Variants in WDR59 observed in about 807,000 individuals in gnomAD.
WDR59 encodes WD repeat domain 59, also known as GATOR2 complex protein WDR59.
In WDR59, 100 loss-of-function variants were observed where a neutral mutation model predicts 131.2. The observed-to-expected ratio is 0.76, with a 90% CI of 0.65 to 0.90. The LOEUF is 0.90. Ranked by LOEUF, WDR59 falls within the 40% of genes least tolerant of loss-of-function variation. WDR59 has a pLI of 0.00. For synonymous variants in WDR59, 601 were observed against 466.2 expected (o/e 1.29, Z -3.72); for missense variants, 1,203 against 1,262.2 (o/e 0.95, Z 0.71).
intron 1 of WDR59, among the ~76,000 whole-genome samples, chr16:74,977,249 A>T (rs955825392): frequency 4.6e-5 from 7 of 152,120 alleles, no homozygotes; most frequent in African/African-American, 1.2e-4. Context: ...CAAAAAAAAA[A>T]TTTTAATTTA....
rs922594358 is a variant in WDR59, at chr16:74,918,839, A to G, written c.887-831T>C. The stretch of plus-strand genomic sequence containing the variant: ...AGGTCACAGGGTGAGTGGGCAGGAA[A>G]ACAAGGGCCAGTTCTTATTGGTTCC... On this transcript the variant is annotated intron_variant, in intron 10 of 25. Transcript: ENST00000262144. Among the ~76,000 whole-genome samples the G allele has an allele frequency of 5.3e-4, 80 of 152,192 alleles. 1 individual carries two copies. The highest frequency in any genetic ancestry group is 1.9e-3 in the African/African-American group (77 of 41,448).
chr16:74,941,057 AAAG>A (rs2032180403), intron 7 of WDR59, among the ~76,000 whole-genome samples: 2 of 151,910 alleles, frequency 1.3e-5, no homozygotes, highest in African/African-American at 4.8e-5. Flanking sequence ...GTTAGGAAAT[AAAG>A]AAGGCCAGGA....
intron 8 of WDR59, among the ~76,000 whole-genome samples, chr16:74,926,127 T>C (rs1241831083): frequency 2.7e-5 from 4 of 149,526 alleles, no homozygotes; most frequent in Non-Finnish European, 3.0e-5. Context: ...TGGTGTGATC[T>C]CGGCTCACTG....
chr16:74,912,027 G>T, intron 14 of WDR59, 171 bp downstream of exon 14: 1 of 855,412 alleles, frequency 1.2e-6, no homozygotes, highest in Non-Finnish European at 1.8e-6. Flanking sequence ...CTGCTCTGAT[G>T]TTTTCTGCAC....
In WDR59 at chr16:74,946,987, T is replaced by C. The variant is rs138917841; in HGVS notation, c.445+1532A>G. The stretch of plus-strand genomic sequence containing the variant: ...TCAAAATATTGACAATTTAGCTTTA[T>C]CTCTGTAAATAAGTTATACCAGTTC... On this transcript the variant is annotated intron_variant, in intron 6 of 25. Transcript: ENST00000262144. Among the ~76,000 whole-genome samples the C allele has an allele frequency of 7.0e-4, 106 of 152,346 alleles. No individual in the cohort carries two copies. In the East Asian group the frequency reaches 0.018, roughly 25 times the overall value.
At chr16:74,968,911 G>A (rs775814130) in intron 1 of WDR59, among the ~76,000 whole-genome samples, 102 of 152,268 alleles carry the variant, frequency 6.7e-4, no homozygotes, top group Middle Eastern at 6.8e-3. Flanking sequence ...CTTACACTAA[G>A]CTGTCCCAAA....
intron 2 of WDR59, chr16:74,962,941 A>G (rs1390747947): frequency 6.6e-6 from 1 of 152,108 alleles, no homozygotes; most frequent in Non-Finnish European, 1.5e-5. Context: ...GTATGTACCC[A>G]GAGGAATCTA....
At chr16:74,967,546 G>T (rs900388966) in intron 1 of WDR59, among the ~76,000 whole-genome samples, 1 of 152,020 alleles carries the variant, frequency 6.6e-6, no homozygotes, top group African/African-American at 2.4e-5. Context: ...TGTAATTAAG[G>T]TCCCAATCAA....
At chr16:74,937,537 G>A (rs1219056616) in intron 8 of WDR59, among the ~76,000 whole-genome samples, 4 of 151,930 alleles carry the variant, frequency 2.6e-5, no homozygotes, top group African/African-American at 7.3e-5. Context: ...AGGCTCGCTC[G>A]GTCGCCCAGG....
intron 17 of WDR59, among the ~76,000 whole-genome samples, chr16:74,908,507 A>C (rs1965928751): frequency 6.6e-6 from 1 of 152,384 alleles, no homozygotes; most frequent in Non-Finnish European, 1.5e-5. Flanking sequence ...GTTTGGTAAT[A>C]TTAGAAGTGG....
intron 2 of WDR59, chr16:74,959,431 G>T: frequency 5.1e-6 from 2 of 392,944 alleles, no homozygotes; most frequent in South Asian, 3.6e-5. Context: ...TCAGTCACCG[G>T]AGGAAACCTG....
At chr16:74,896,328 A>G (rs550298389) in intron 18 of WDR59, among the ~76,000 whole-genome samples, 8 of 152,274 alleles carry the variant, frequency 5.3e-5, no homozygotes, top group African/African-American at 1.7e-4. Context: ...AGCTTACAGA[A>G]CACACTGAAA....
intron 1 of WDR59, among the ~76,000 whole-genome samples, chr16:74,981,647 T>TATATATACATATATATATATATATATAC (rs2034424827): frequency 1.3e-4 from 1 of 7,506 alleles, no homozygotes; most frequent in African/African-American, 3.7e-4. Flanking sequence ...TATATATATA[T>TATATATACATATATATATATATATATAC]ATATATATAT....
chr16:74,932,100 A>G (rs971948846), intron 8 of WDR59, among the ~76,000 whole-genome samples: 19 of 150,408 alleles, frequency 1.3e-4, no homozygotes, highest in Admixed American at 1.0e-3. Context: ...TATTTTATTT[A>G]TTTATTTTTT....
Position 74,938,254 on chromosome 16 carries a change from C to T in WDR59, c.547G>A (p.Ala183Thr). Residue 183 changes from alanine to threonine, a missense_variant, in exon 8 of 26, where the codon GCA (alanine) becomes ACA (threonine). Physicochemically the swap from Ala to Thr is moderately conservative, Grantham distance 58. Transcript: ENST00000262144. ...RIWDKRKPST[A>T]VEYLAAHLSK... ...AGGTGGGCGGCTAGATATTCCACTG[C>T]TGTACTGGGTTTCTGCAACAGATCA... 6.5e-7 allele frequency: 1 copy of T among 1,548,384 alleles called. No homozygotes were observed. Among genetic ancestry groups the T allele is most frequent in the Non-Finnish European group, 8.7e-7 (1 of 1,147,496 alleles).
chr16:74,916,175 T>A lies in WDR59; in HGVS notation c.1051A>T (p.Thr351Ser), dbSNP rs567359444. ...GTGTGCTGGTGATCTGTATCTTCAGTGTGCAGGGTCTTCTCAGGTTCCGGC... is the reference window on the plus strand; with the variant it reads ...GTGTGCTGGTGATCTGTATCTTCAGAGTGCAGGGTCTTCTCAGGTTCCGGC... ...LLPEPEKTLH[T>S]EDTDHQHTAS... The change falls in exon 12 of 26, where the codon ACT becomes TCT. Residue 351 changes from threonine to serine, a missense_variant. Coordinates refer to ENST00000262144, the MANE Select transcript of WDR59 (RefSeq NM_030581.4). 1.9e-6 allele frequency: 3 copies of A among 1,614,082 alleles called. No homozygotes were observed. Among genetic ancestry groups the A allele is most frequent in the Non-Finnish European group, 2.5e-6 (3 of 1,180,026 alleles).
intron 4 of WDR59, 35 bp from the exon 5 acceptor site, chr16:74,949,833 GA>G (rs774241790): frequency 1.9e-6 from 3 of 1,607,782 alleles, no homozygotes; most frequent in Non-Finnish European, 2.6e-6. Context: ...CAAAGAAAAG[GA>G]AAAAAATTCA....
At chr16:74,981,423 T>C (rs1597831473) in intron 1 of WDR59, among the ~76,000 whole-genome samples, 1 of 147,920 alleles carries the variant, frequency 6.8e-6, no homozygotes, top group East Asian at 2.0e-4. Flanking sequence ...TGGGGCTTGG[T>C]GGTGTGCACC....
At chr16:74,928,719 T>C (rs1291756994) in intron 8 of WDR59, among the ~76,000 whole-genome samples, 2 of 152,030 alleles carry the variant, frequency 1.3e-5, no homozygotes, top group Admixed American at 6.6e-5. Flanking sequence ...CTGGTCACCA[T>C]GGCGAAACCC....
Sources: allele counts gnomAD v4.1 joint callset (sites outside exome capture counted in the v4.1 genomes callset), GRCh38; gene constraint gnomAD v4.1.1; transcripts MANE v1.5; gene names NCBI Gene and HGNC (gene_info 2026-07-23, HGNC 2026-07-21).